The following MLLT10 variants were observed in gnomAD, a reference collection of about 807,000 sequenced individuals.
The protein encoded by MLLT10 is MLLT10 histone lysine methyltransferase DOT1L cofactor.
MLLT10 carries 30 observed loss-of-function variants against 129.1 expected under a neutral mutation model. The ratio of observed to expected loss-of-function variants is 0.23; its 90% CI spans 0.17 to 0.32. The LOEUF (loss-of-function observed/expected upper bound fraction) is 0.32. MLLT10 is among the 10% of genes least tolerant of loss of function. MLLT10 has a pLI of 1.00. For synonymous variants in MLLT10, 490 were observed against 446.4 expected (o/e 1.10, Z -1.23); for missense variants, 1,119 against 1,268.3 (o/e 0.88, Z 1.79).
intron 11 of MLLT10, among the ~76,000 whole-genome samples, chr10:21,678,862 G>A (rs189302945): frequency 2.6e-4 from 39 of 152,254 alleles, no homozygotes; most frequent in Admixed American, 1.9e-3. Flanking sequence ...GAACAGCCTT[G>A]TGAAATAGGA....
intron 9 of MLLT10, among the ~76,000 whole-genome samples, chr10:21,667,180 C>G (rs1171299676): frequency 6.6e-6 from 1 of 151,972 alleles, no homozygotes; most frequent in Non-Finnish European, 1.5e-5. Flanking sequence ...ATTTTGCTTT[C>G]ATTCTTAATC....
chr10:21,703,131 A>C (rs1458972808), intron 13 of MLLT10, among the ~76,000 whole-genome samples: 1 of 152,114 alleles, frequency 6.6e-6, no homozygotes, highest in Non-Finnish European at 1.5e-5. Context: ...GGCAAATGTC[A>C]TCCTTTTGCT....
chr10:21,721,386 A>C (rs2057123394), intron 14 of MLLT10, among the ~76,000 whole-genome samples: 1 of 152,198 alleles, frequency 6.6e-6, no homozygotes, highest in African/African-American at 2.4e-5. Flanking sequence ...TAGGCAGGAA[A>C]AAAATCTACC....
chr10:21,608,242 C>T (rs974505406), intron 5 of MLLT10, among the ~76,000 whole-genome samples: 5 of 151,712 alleles, frequency 3.3e-5, no homozygotes, highest in Non-Finnish European at 5.9e-5. Flanking sequence ...GATAAAGGCT[C>T]AGTGCAGTTA....
intron 14 of MLLT10, among the ~76,000 whole-genome samples, chr10:21,725,870 C>T (rs2057466314): frequency 6.6e-6 from 1 of 151,532 alleles, no homozygotes; most frequent in South Asian, 2.1e-4. Flanking sequence ...CCTGCCTCAG[C>T]CTCCCGAGTA....
intron 8 of MLLT10, among the ~76,000 whole-genome samples, chr10:21,644,771 C>T (rs1396099379): frequency 6.6e-6 from 1 of 152,054 alleles, no homozygotes; most frequent in Non-Finnish European, 1.5e-5. Context: ...GCTAAGACTA[C>T]AAATTTGCAC....
chr10:21,639,735 T>C (rs2047804593), intron 8 of MLLT10, among the ~76,000 whole-genome samples: 1 of 152,174 alleles, frequency 6.6e-6, no homozygotes, highest in Non-Finnish European at 1.5e-5. Context: ...TCTTGGCCTC[T>C]CTGTGCAGCA....
chr10:21,606,191 C>T (rs1225570033), intron 5 of MLLT10, among the ~76,000 whole-genome samples: 2 of 152,162 alleles, frequency 1.3e-5, no homozygotes. Context: ...TCTCTCTACT[C>T]TCCTTAGGCC....
intron 14 of MLLT10, among the ~76,000 whole-genome samples, chr10:21,724,970 T>G (rs2057377656): frequency 6.6e-6 from 1 of 152,214 alleles, no homozygotes; most frequent in Non-Finnish European, 1.5e-5. Context: ...AGACAGTGCC[T>G]TATATGGGGT....
At chr10:21,587,865 G>C (rs2042138246) in intron 4 of MLLT10, among the ~76,000 whole-genome samples, 1 of 152,100 alleles carries the variant, frequency 6.6e-6, no homozygotes, top group Non-Finnish European at 1.5e-5. Context: ...CATCTGCCCA[G>C]TTTATCAATA....
intron 2 of MLLT10, among the ~76,000 whole-genome samples, chr10:21,536,738 T>G (rs890267110): frequency 1.3e-5 from 2 of 152,046 alleles, no homozygotes; most frequent in Admixed American, 1.3e-4. Context: ...GGGCTAATTT[T>G]GTATTTTTGG....
chr10:21,591,641 G>A (rs2042515452), intron 4 of MLLT10, among the ~76,000 whole-genome samples: 1 of 151,642 alleles, frequency 6.6e-6, no homozygotes, highest in Non-Finnish European at 1.5e-5. Flanking sequence ...ATATACACAA[G>A]TATTTATATT....
intron 22 of MLLT10, among the ~76,000 whole-genome samples, chr10:21,741,661 T>C (rs1213837460): frequency 1.3e-5 from 2 of 152,218 alleles, no homozygotes; most frequent in Non-Finnish European, 2.9e-5. Flanking sequence ...TGTGGAAAAG[T>C]TGATTTTGGA....
At chr10:21,565,614 T>C (rs1412106961) in intron 3 of MLLT10, among the ~76,000 whole-genome samples, 2 of 150,664 alleles carry the variant, frequency 1.3e-5, no homozygotes, top group African/African-American at 4.9e-5. Context: ...GCCTTTTTTT[T>C]TTTTTTTTTG....
intron 3 of MLLT10, among the ~76,000 whole-genome samples, chr10:21,540,810 C>T (rs983736654): frequency 2.0e-5 from 3 of 152,128 alleles, no homozygotes; most frequent in Non-Finnish European, 4.4e-5. Context: ...AGCTTCTTTA[C>T]CTAGGCATAT....
chr10:21,689,898 G>C (rs991559578), intron 13 of MLLT10, among the ~76,000 whole-genome samples: 1 of 151,746 alleles, frequency 6.6e-6, no homozygotes, highest in East Asian at 1.9e-4. Flanking sequence ...CAAATTTATT[G>C]ATGGCCTGAA....
intron 8 of MLLT10, chr10:21,625,416 A>G (rs1564531014): frequency 8.3e-6 from 7 of 840,990 alleles, no homozygotes; most frequent in Non-Finnish European, 1.4e-5. Context: ...TCTGTGCCCA[A>G]GTTTCTCACA....
chr10:21,714,060 A>G (rs2056342822), intron 14 of MLLT10, 110 bp downstream of exon 14: 9 of 862,328 alleles, frequency 1.0e-5, no homozygotes, highest in Non-Finnish European at 1.5e-5. Flanking sequence ...GGAATTTATG[A>G]AATACCTCAA....
At chr10:21,547,168 C>T (rs774506924) in intron 3 of MLLT10, among the ~76,000 whole-genome samples, 1 of 151,874 alleles carries the variant, frequency 6.6e-6, no homozygotes, top group African/African-American at 2.4e-5. Flanking sequence ...CCCCGCCTGA[C>T]CCCTTCATTC....
Sources: allele counts gnomAD v4.1 joint callset (sites outside exome capture counted in the v4.1 genomes callset), GRCh38; gene constraint gnomAD v4.1.1; transcripts MANE v1.5; gene names NCBI Gene and HGNC (gene_info 2026-07-23, HGNC 2026-07-21).